TUSC3: variants seen among roughly 807,000 people sequenced by gnomAD.
TUSC3 encodes the protein dolichyl-diphosphooligosaccharide--protein glycosyltransferase subunit TUSC3.
Under a neutral mutation model 44.8 loss-of-function variants are expected in TUSC3, and 45 were observed. The observed-to-expected ratio is 1.00, with a 90% CI of 0.79 to 1.29. The LOEUF is 1.29. Ranked by LOEUF, TUSC3 falls within the 50% of genes most tolerant of loss-of-function variation. The pLI, the probability that TUSC3 is intolerant of heterozygous loss-of-function variation, is 0.00. For missense variants in TUSC3, 519 were observed against 437.9 expected, an observed-to-expected ratio of 1.19 and a Z score of -1.65; for synonymous variants, 212 against 152.9, an observed-to-expected ratio of 1.39 and a Z score of -2.85.
At chr8:15,712,922 T>C (rs1361599498) in intron 6 of TUSC3, among the ~76,000 whole-genome samples, 2 of 152,160 alleles carry the variant, frequency 1.3e-5, no homozygotes, top group African/African-American at 2.4e-5. Context: ...GGCTCCTTTA[T>C]GCGTAGCTCC....
chr8:15,563,244 G>C (rs556837028), intron 1 of TUSC3, among the ~76,000 whole-genome samples: 7 of 151,986 alleles, frequency 4.6e-5, no homozygotes, highest in Admixed American at 1.3e-4. Flanking sequence ...TGTCAGTCAG[G>C]GTTCAGTCAC....
chr8:15,588,864 T>G (rs1371053736), intron 1 of TUSC3, among the ~76,000 whole-genome samples: 3 of 152,172 alleles, frequency 2.0e-5, no homozygotes, highest in Non-Finnish European at 4.4e-5. Context: ...CAGTTGGCTG[T>G]GAATATGTGG....
At chr8:15,504,646 T>TA (rs1801028459) in intron 2 of TUSC3, among the ~76,000 whole-genome samples, 1 of 80,818 alleles carries the variant, frequency 1.2e-5, no homozygotes, top group Non-Finnish European at 3.0e-5. Flanking sequence ...TTTTTTTAAG[T>TA]GGGTTTTTTT....
intron 1 of TUSC3, among the ~76,000 whole-genome samples, chr8:15,621,981 C>T (rs924572871): frequency 3.3e-5 from 5 of 152,058 alleles, no homozygotes; most frequent in Non-Finnish European, 5.9e-5. Context: ...AAGTCTTTTA[C>T]CTTAACTCAG....
At chr8:15,444,237 A>G (rs1213887932) in intron 1 of TUSC3, among the ~76,000 whole-genome samples, 1 of 152,200 alleles carries the variant, frequency 6.6e-6, no homozygotes, top group Non-Finnish European at 1.5e-5. Flanking sequence ...ACGAGCCTTC[A>G]TGCTGTTAAA....
chr8:15,496,628 C>G lies in TUSC3; in HGVS notation n.189+13145C>G, dbSNP rs28877639. 2.0e-5 allele frequency among the ~76,000 whole-genome samples: 3 copies of G among 152,066 alleles called. No individual in the cohort carries two copies. In the East Asian group the frequency reaches 5.8e-4, roughly 29 times the overall value. ...CTATTCTGTGCCTTGACCCTAGATACAGGCCCAGTGGTTAAGTGGGGAGTA... is the reference window on the plus strand; with the variant it reads ...CTATTCTGTGCCTTGACCCTAGATAGAGGCCCAGTGGTTAAGTGGGGAGTA... On this transcript the variant is annotated intron_variant and non_coding_transcript_variant, in intron 2 of 5. Transcript: ENST00000503191.
At chr8:15,698,334 G>A (rs906920993) in intron 6 of TUSC3, among the ~76,000 whole-genome samples, 1 of 152,148 alleles carries the variant, frequency 6.6e-6, no homozygotes, top group Non-Finnish European at 1.5e-5. Context: ...TAAAAACTCT[G>A]TAAGTTAGGA....
At chr8:15,523,050 C>A (rs183972930) in intron 2 of TUSC3, among the ~76,000 whole-genome samples, 1 of 152,272 alleles carries the variant, frequency 6.6e-6, no homozygotes, top group East Asian at 1.9e-4. Context: ...GCTCCAGCAC[C>A]TTTTCCAGGC....
At chr8:15,589,331 T>A (rs1803727017) in intron 1 of TUSC3, among the ~76,000 whole-genome samples, 1 of 152,188 alleles carries the variant, frequency 6.6e-6, no homozygotes, top group Non-Finnish European at 1.5e-5. Context: ...ACTCTGCATC[T>A]TAACAAGATC....
rs756515740 is a variant in TUSC3, at chr8:15,482,453, G to A, written n.92-933G>A. On this transcript the variant is annotated intron_variant and non_coding_transcript_variant, in intron 1 of 5. Transcript: ENST00000503191. Reference sequence around the variant, plus strand: ...TAGCGTTATGAATGATAGCACACCTGTTTAAAGTATGGTTTACTGAATATT... The same window carrying A: ...TAGCGTTATGAATGATAGCACACCTATTTAAAGTATGGTTTACTGAATATT... Among the ~76,000 whole-genome samples the A allele has an allele frequency of 2.8e-4, 43 of 152,290 alleles. 1 individual carries two copies. Among genetic ancestry groups the A allele is most frequent in the Non-Finnish European group, 2.9e-5 (2 of 68,024 alleles).
rs549274041 is a variant in TUSC3, at chr8:15,555,199, A to C, written c.138+14631A>C. On this transcript the variant is annotated intron_variant, in intron 1 of 10. Transcript: ENST00000503731. ...GATCTTACTCTGTTGTCCAGGGTGGAGTGTAGTGGTGTGATCTTGGCTTAC... is the reference window on the plus strand; with the variant it reads ...GATCTTACTCTGTTGTCCAGGGTGGCGTGTAGTGGTGTGATCTTGGCTTAC... Among the ~76,000 whole-genome samples, 10 of 96,142 alleles carry C rather than the reference A, an allele frequency of 1.0e-4. 1 individual carries two copies. Among genetic ancestry groups the C allele is most frequent in the South Asian group, 8.0e-4 (2 of 2,512 alleles). 63.1% of individuals were successfully genotyped at this position (96,142 alleles called of 152,430 possible). A position where few individuals can be genotyped will look rare whatever the true frequency, so the allele number is the denominator to read the frequency against.
chr8:15,537,882 G>A (rs935447575), upstream of TUSC3, among the ~76,000 whole-genome samples: 1 of 152,156 alleles, frequency 6.6e-6, no homozygotes, highest in Non-Finnish European at 1.5e-5. Flanking sequence ...AAATTTACTT[G>A]TCTCCAAACA....
chr8:15,677,912 A>G (rs916117982), intron 6 of TUSC3, among the ~76,000 whole-genome samples: 34 of 152,208 alleles, frequency 2.2e-4, no homozygotes, highest in African/African-American at 7.2e-4. Context: ...AAAGTTGAAA[A>G]CACACGTGTC....
intron 3 of TUSC3, among the ~76,000 whole-genome samples, chr8:15,652,703 G>C (rs990201154): frequency 6.6e-6 from 1 of 152,056 alleles, no homozygotes; most frequent in African/African-American, 2.4e-5. Flanking sequence ...TAGAATCTCA[G>C]GATAATTGGC....
At chr8:15,693,603 C>T (rs567998797) in intron 6 of TUSC3, among the ~76,000 whole-genome samples, 22 of 151,510 alleles carry the variant, frequency 1.5e-4, no homozygotes, top group African/African-American at 5.3e-4. Flanking sequence ...TCATTTTGAC[C>T]TTAGAGAATC....
At chr8:15,521,706 G>T (rs191291604) in intron 2 of TUSC3, among the ~76,000 whole-genome samples, 7 of 152,146 alleles carry the variant, frequency 4.6e-5, no homozygotes, top group Admixed American at 2.0e-4. Context: ...GCGGGCCACT[G>T]GTTACACAAG....
At chr8:15,729,597 C>G (rs1258838420) in intron 6 of TUSC3, among the ~76,000 whole-genome samples, 5 of 152,080 alleles carry the variant, frequency 3.3e-5, no homozygotes, top group Non-Finnish European at 7.4e-5. Context: ...TTATCCTAAG[C>G]AAATTAATGC....
At chr8:15,589,098 A>C (rs1040540315) in intron 1 of TUSC3, among the ~76,000 whole-genome samples, 1 of 152,154 alleles carries the variant, frequency 6.6e-6, no homozygotes, top group African/African-American at 2.4e-5. Context: ...TACTAAATTT[A>C]AAGTCTGTTT....
At chr8:15,817,383 A>G in the TUSC3 span, among the ~76,000 whole-genome samples, 2 of 152,156 alleles carry the variant, frequency 1.3e-5, no homozygotes, top group Non-Finnish European at 2.9e-5. Flanking sequence ...CACATGCTCA[A>G]AGGGTAACTA....
Sources: gnomAD v4.1 joint callset for allele counts (sites outside exome capture counted in the v4.1 genomes callset) on GRCh38, gnomAD v4.1.1 for gene constraint, MANE v1.5 for transcripts, NCBI Gene and HGNC (gene_info 2026-07-23, HGNC 2026-07-21) for gene names.